Variants in STX18 observed in about 807,000 individuals in gnomAD.
STX18 encodes syntaxin-18.
Under a neutral mutation model 50.1 loss-of-function variants are expected in STX18, and 40 were observed. The observed-to-expected ratio is 0.80, with a 90% CI of 0.62 to 1.04. The LOEUF (loss-of-function observed/expected upper bound fraction) is 1.04. Ranked by LOEUF, STX18 falls within the 50% of genes least tolerant of loss-of-function variation. STX18 has a pLI of 0.00. For synonymous variants in STX18, 158 were observed against 151.8 expected (o/e 1.04, Z -0.30); for missense variants, 410 against 415.8 (o/e 0.99, Z 0.12).
chr4:4,513,778 AT>A (rs1730114664), intron 1 of STX18, among the ~76,000 whole-genome samples: 1 of 152,208 alleles, frequency 6.6e-6, no homozygotes, highest in Non-Finnish European at 1.5e-5. Context: ...GAGGTCTGGG[AT>A]ATCTCCTTGC....
chr4:4,480,680 C>A (rs945154965), intron 1 of STX18, among the ~76,000 whole-genome samples: 2 of 152,146 alleles, frequency 1.3e-5, no homozygotes, highest in African/African-American at 4.8e-5. Flanking sequence ...GATTTTCTAT[C>A]CCCTTCAAGA....
intron 1 of STX18, among the ~76,000 whole-genome samples, chr4:4,524,747 A>C (rs911540046): frequency 3.3e-5 from 5 of 152,242 alleles, no homozygotes; most frequent in African/African-American, 4.8e-5. Flanking sequence ...TAGACTTTTC[A>C]GTGATATAAA....
chr4:4,468,564 C>T (rs927095896), intron 2 of STX18, among the ~76,000 whole-genome samples: 5 of 152,064 alleles, frequency 3.3e-5, no homozygotes, highest in Admixed American at 2.0e-4. Flanking sequence ...GCTTTGCAAG[C>T]GGTGAGCAGC....
intron 1 of STX18, among the ~76,000 whole-genome samples, chr4:4,495,050 G>C (rs1240843959): frequency 2.0e-5 from 3 of 152,182 alleles, no homozygotes; most frequent in Non-Finnish European, 4.4e-5. Context: ...AGAGGAAAGA[G>C]GTTGAGCATG....
intron 1 of STX18, chr4:4,507,644 G>T (rs1216930068): frequency 2.6e-6 from 2 of 775,472 alleles, no homozygotes; most frequent in Non-Finnish European, 2.4e-6. Flanking sequence ...ACGTGAACTG[G>T]ATGGCAGCCG....
intron 1 of STX18, among the ~76,000 whole-genome samples, chr4:4,508,114 T>G (rs1321233353): frequency 6.6e-6 from 1 of 152,232 alleles, no homozygotes; most frequent in African/African-American, 2.4e-5. Context: ...GGATCATGGC[T>G]GACACTCCCC....
chr4:4,534,346 C>T (rs1731238100), intron 1 of STX18, among the ~76,000 whole-genome samples: 1 of 152,180 alleles, frequency 6.6e-6, no homozygotes, highest in African/African-American at 2.4e-5. Context: ...AACTCTAACC[C>T]TGAAAACTCT....
chr4:4,493,712 TTAA>T (rs989243003), intron 1 of STX18, among the ~76,000 whole-genome samples: 3 of 152,192 alleles, frequency 2.0e-5, no homozygotes, highest in African/African-American at 7.2e-5. Flanking sequence ...GAAAATATTG[TTAA>T]TAATGGTTTT....
intron 5 of STX18, among the ~76,000 whole-genome samples, chr4:4,446,220 T>C (rs1435970941): frequency 6.6e-6 from 1 of 152,120 alleles, no homozygotes; most frequent in African/African-American, 2.4e-5. Flanking sequence ...AGACAGATGA[T>C]AGACCTAAAC....
rs34563523 is a variant in STX18 at position 4,489,391 on chromosome 4, ATTTTTTTTTT to A, written c.169-17695_169-17686del. Among the ~76,000 whole-genome samples the A allele has an allele frequency of 3.1e-4, 16 of 51,672 alleles. No individual in the cohort carries two copies. In the South Asian group the frequency reaches 4.3e-3, roughly 14 times the overall value. The allele number at this position is 51,672 out of a possible 152,430, so 33.9% of individuals were successfully genotyped here. A position where few individuals can be genotyped will look rare whatever the true frequency, so the allele number is the denominator to read the frequency against. ...AGCACTTCAATACACATGCAAAATA[ATTTTTTTTTT>A]TTTTTTTTTTTTTTTTTTTTTTTTT... On this transcript the variant is annotated intron_variant, in intron 1 of 10. Transcript: ENST00000306200.
chr4:4,521,108 CTG>C lies in STX18; in HGVS notation c.168+20687_168+20688del, dbSNP rs528052537. Among the ~76,000 whole-genome samples the C allele has an allele frequency of 3.8e-3, 572 of 152,280 alleles. 4 individuals carry two copies. Among genetic ancestry groups the C allele is most frequent in the African/African-American group, 0.013 (539 of 41,560 alleles). On this transcript the variant is annotated intron_variant, in intron 1 of 10. Transcript: ENST00000306200. ...CCCACTCTACAGCTCTCACTAGACT[CTG>C]TTATTTGTCCAATAAAATGCAAAAG...
chr4:4,541,518 T>A (rs1010388895), intron 1 of STX18, among the ~76,000 whole-genome samples: 2 of 152,196 alleles, frequency 1.3e-5, no homozygotes, highest in African/African-American at 4.8e-5. Flanking sequence ...AAGCCGCCCA[T>A]GCACTTTCCA....
intron 2 of STX18, among the ~76,000 whole-genome samples, chr4:4,461,206 A>ATT (rs1354212364): frequency 3.3e-5 from 5 of 152,366 alleles, no homozygotes; most frequent in African/African-American, 1.2e-4. Flanking sequence ...TTTAGGAAAC[A>ATT]TTATATATAT....
At chr4:4,461,439 T>TA (rs947970441) in intron 2 of STX18, among the ~76,000 whole-genome samples, 5 of 151,736 alleles carry the variant, frequency 3.3e-5, no homozygotes, top group Admixed American at 1.3e-4. Flanking sequence ...ATGTCATTAT[T>TA]AAAAAAAAAT....
intron 2 of STX18, among the ~76,000 whole-genome samples, chr4:4,465,789 A>T (rs907725730): frequency 1.3e-5 from 2 of 152,196 alleles, no homozygotes; most frequent in African/African-American, 4.8e-5. Context: ...ATAAAAAGCT[A>T]TCTGTACTGT....
intron 1 of STX18, among the ~76,000 whole-genome samples, chr4:4,517,652 A>G (rs1404466140): frequency 6.6e-6 from 1 of 152,256 alleles, no homozygotes; most frequent in Non-Finnish European, 1.5e-5. Context: ...TAAACCACAC[A>G]GATAATCTTG....
intron 7 of STX18, chr4:4,425,610 A>G (rs1342965628): frequency 9.0e-6 from 2 of 221,572 alleles, no homozygotes; most frequent in Admixed American, 1.0e-4. Context: ...ATACTGAAGG[A>G]CTATACATAT....
At chr4:4,532,098 A>G (rs1270016732) in intron 1 of STX18, among the ~76,000 whole-genome samples, 2 of 152,204 alleles carry the variant, frequency 1.3e-5, no homozygotes, top group African/African-American at 2.4e-5. Flanking sequence ...ATTGTTTTCT[A>G]CAATACTGTT....
At chr4:4,514,395 G>T (rs973947877) in intron 1 of STX18, among the ~76,000 whole-genome samples, 1 of 152,152 alleles carries the variant, frequency 6.6e-6, no homozygotes, top group Non-Finnish European at 1.5e-5. Context: ...AACATTTAAA[G>T]TGAGAAATTT....
Sources: allele counts gnomAD v4.1 joint callset (sites outside exome capture counted in the v4.1 genomes callset), GRCh38; gene constraint gnomAD v4.1.1; transcripts MANE v1.5; gene names NCBI Gene and HGNC (gene_info 2026-07-23, HGNC 2026-07-21).